ADAM12: variants seen among roughly 807,000 people sequenced by gnomAD.
ADAM12 encodes ADAM metallopeptidase domain 12, also known as disintegrin and metalloproteinase domain-containing protein 12.
Under a neutral mutation model 106.4 loss-of-function variants are expected in ADAM12, and 70 were observed. The observed-to-expected ratio is 0.66, with a 90% CI of 0.54 to 0.80. The LOEUF is 0.80. Ranked by LOEUF, ADAM12 falls within the 30% of genes least tolerant of loss-of-function variation. The probability of loss-of-function intolerance (pLI) is 0.00; values close to 1 mark genes in which losing one functional copy is unlikely to be tolerated. For missense variants in ADAM12, 1,010 were observed against 1,171.9 expected, an observed-to-expected ratio of 0.86 and a Z score of 2.02; for synonymous variants, 420 against 433.5, an observed-to-expected ratio of 0.97 and a Z score of 0.39.
intron 18 of ADAM12, chr10:126,042,008 G>A (rs576065954): frequency 1.4e-6 from 2 of 1,459,696 alleles, no homozygotes; most frequent in South Asian, 1.4e-5. Flanking sequence ...GAACTGTGTT[G>A]TGTCTGTTGT....
intron 3 of ADAM12, among the ~76,000 whole-genome samples, chr10:126,200,845 T>C (rs11244881): frequency 0.073 from 10,719 of 146,812 alleles, 700 homozygotes; most frequent in African/African-American, 0.19. Context: ...AGGACTTAGA[T>C]TTTGTGTACG....
At chr10:126,269,957 C>T (rs1959167807) in intron 3 of ADAM12, among the ~76,000 whole-genome samples, 1 of 152,152 alleles carries the variant, frequency 6.6e-6, no homozygotes. Context: ...GTGTTCTGAC[C>T]TTCTTCAACG....
chr10:126,148,530 G>C (rs1301145395), intron 4 of ADAM12, among the ~76,000 whole-genome samples: 1 of 152,176 alleles, frequency 6.6e-6, no homozygotes, highest in Non-Finnish European at 1.5e-5. Context: ...CTGTAACAAG[G>C]CTGACTGCTT....
chr10:126,095,582 G>T (rs1955543394), intron 10 of ADAM12, among the ~76,000 whole-genome samples: 1 of 146,948 alleles, frequency 6.8e-6, no homozygotes. Context: ...TGGGGACTCT[G>T]CCCTCATAAT....
intron 1 of ADAM12, among the ~76,000 whole-genome samples, chr10:126,374,452 T>A (rs563011616): frequency 2.6e-5 from 4 of 152,202 alleles, no homozygotes; most frequent in African/African-American, 7.2e-5. Context: ...CATGTAAGAA[T>A]ACAAAGAAAA....
At chr10:126,155,770 C>T (rs1956804114) in intron 3 of ADAM12, among the ~76,000 whole-genome samples, 1 of 152,170 alleles carries the variant, frequency 6.6e-6, no homozygotes, top group South Asian at 2.1e-4. Flanking sequence ...CAGCAGTGCC[C>T]CTGCTGGCTC....
chr10:126,240,435 T>C (rs1192645658), intron 3 of ADAM12, among the ~76,000 whole-genome samples: 1 of 152,200 alleles, frequency 6.6e-6, no homozygotes, highest in South Asian at 2.1e-4. Context: ...GCATTAAGCA[T>C]AGTGGAGGAG....
chr10:126,363,597 A>G (rs1451270191), intron 1 of ADAM12, among the ~76,000 whole-genome samples: 1 of 152,122 alleles, frequency 6.6e-6, no homozygotes, highest in Non-Finnish European at 1.5e-5. Context: ...TCCCAAGCAG[A>G]TGCTTGAAAT....
intron 3 of ADAM12, among the ~76,000 whole-genome samples, chr10:126,220,231 G>A (rs796261385): frequency 2.0e-4 from 31 of 152,336 alleles, no homozygotes; most frequent in African/African-American, 6.7e-4. Context: ...CTTGATTCAC[G>A]ATAACAATAG....
At chr10:126,131,604 T>C (rs774115217) in intron 5 of ADAM12, among the ~76,000 whole-genome samples, 1 of 152,214 alleles carries the variant, frequency 6.6e-6, no homozygotes, top group Non-Finnish European at 1.5e-5. Flanking sequence ...CAGAGCTTCC[T>C]CCCTCTGTAC....
intron 2 of ADAM12, among the ~76,000 whole-genome samples, chr10:126,323,251 C>T (rs1440420561): frequency 6.6e-6 from 1 of 152,148 alleles, no homozygotes; most frequent in African/African-American, 2.4e-5. Context: ...GGAGGTGCTA[C>T]CATCTAGCCT....
chr10:126,279,991 A>G (rs1319840128), intron 2 of ADAM12, among the ~76,000 whole-genome samples: 2 of 152,212 alleles, frequency 1.3e-5, no homozygotes, highest in Non-Finnish European at 2.9e-5. Context: ...AGAAGTTTAT[A>G]CATACTTTTC....
chr10:126,349,753 T>C (rs1310081889), intron 1 of ADAM12, among the ~76,000 whole-genome samples: 1 of 152,200 alleles, frequency 6.6e-6, no homozygotes, highest in Non-Finnish European at 1.5e-5. Flanking sequence ...CGCATATCTC[T>C]TCCATCTAGG....
At chr10:126,055,224 G>A (rs752976158) in intron 14 of ADAM12, among the ~76,000 whole-genome samples, 3 of 152,084 alleles carry the variant, frequency 2.0e-5, no homozygotes, top group South Asian at 4.2e-4. Context: ...CTGGTTCTGG[G>A]AACCCTCCTG....
intron 3 of ADAM12, among the ~76,000 whole-genome samples, chr10:126,208,852 G>GT (rs5788775): frequency 0.89 from 130,035 of 145,826 alleles, 58,417 homozygotes; most frequent in Non-Finnish European, 0.95. Context: ...AAAAAAGAAA[G>GT]TTTTTTTTTT....
intron 20 of ADAM12, 60 bp from the exon 21 acceptor site, chr10:126,036,385 T>C (rs760380001): frequency 1.0e-5 from 16 of 1,526,618 alleles, no homozygotes; most frequent in East Asian, 2.5e-5. Flanking sequence ...AGTAACTCCT[T>C]AAGGAAAAAG....
chr10:126,239,901 G>A (rs570814544), intron 3 of ADAM12, among the ~76,000 whole-genome samples: 1 of 152,306 alleles, frequency 6.6e-6, no homozygotes, highest in East Asian at 1.9e-4. Flanking sequence ...TAGGTCCTAG[G>A]TGAGCTCTGG....
chr10:126,220,085 G>A (rs779558178), intron 3 of ADAM12, among the ~76,000 whole-genome samples: 15 of 152,206 alleles, frequency 9.9e-5, no homozygotes, highest in Non-Finnish European at 2.9e-5. Context: ...AGGCTGAGAG[G>A]TCTCCTTCAA....
At chr10:126,360,209 T>C (rs1159202458) in intron 1 of ADAM12, among the ~76,000 whole-genome samples, 4 of 152,214 alleles carry the variant, frequency 2.6e-5, no homozygotes, top group Non-Finnish European at 2.9e-5. Flanking sequence ...GGGGCTGCCA[T>C]GTAGACCTCT....
Sources: allele counts gnomAD v4.1 joint callset (sites outside exome capture counted in the v4.1 genomes callset), GRCh38; gene constraint gnomAD v4.1.1; transcripts MANE v1.5; gene names NCBI Gene and HGNC (gene_info 2026-07-23, HGNC 2026-07-21).